TRPC5: variants seen among roughly 807,000 people sequenced by gnomAD.
TRPC5 encodes the protein transient receptor potential cation channel subfamily C member 5, also known as short transient receptor potential channel 5.
Under a neutral mutation model 56.5 loss-of-function variants are expected in TRPC5, and 9 were observed. That is an observed-to-expected ratio of 0.16 (90% CI 0.10 to 0.28). The LOEUF is 0.28. TRPC5 is among the 10% of genes least tolerant of loss of function. The pLI, the probability that TRPC5 is intolerant of heterozygous loss-of-function variation, is 1.00. For missense variants in TRPC5, 469 were observed against 748.9 expected, an observed-to-expected ratio of 0.63 and a Z score of 4.36; for synonymous variants, 282 against 278.5, an observed-to-expected ratio of 1.01 and a Z score of -0.13.
rs969086000 is a variant in TRPC5 at position 111,836,443 on chromosome X, G to A, written c.1701-1327C>T. On this transcript the variant is annotated intron_variant, in intron 6 of 10. Coordinates refer to ENST00000262839, the MANE Select transcript of TRPC5 (RefSeq NM_012471.3). ...GGTTCATTTTAGAGGTGGGTGAGAG[G>A]TACTTTAAGGAGTCCCTCTGTCTGA... 3.6e-5 allele frequency among the ~76,000 whole-genome samples: 4 copies of A among 111,655 alleles called. 1 individual carries two copies. In the Admixed American group the frequency reaches 3.8e-4, roughly 11 times the overall value.
chrX:111,850,213 G>A (rs751853391), intron 5 of TRPC5, among the ~76,000 whole-genome samples: 5 of 111,254 alleles, frequency 4.5e-5, no homozygotes, highest in Admixed American at 1.9e-4. Flanking sequence ...GCAAAGAATG[G>A]TTATACTCCA....
intron 1 of TRPC5, among the ~76,000 whole-genome samples, chrX:111,971,133 C>T (rs897459658): frequency 1.8e-5 from 2 of 111,129 alleles, no homozygotes; most frequent in Admixed American, 9.6e-5. Context: ...GGGCGATAGA[C>T]AAGGTGATTG....
intron 7 of TRPC5, among the ~76,000 whole-genome samples, chrX:111,805,997 G>T (rs1254775740): frequency 9.2e-6 from 1 of 108,832 alleles, no homozygotes; most frequent in Non-Finnish European, 1.9e-5. Context: ...CAGCTCTGTA[G>T]TTTTGGTAAA....
intron 1 of TRPC5, among the ~76,000 whole-genome samples, chrX:112,017,203 C>T (rs905688099): frequency 1.8e-5 from 2 of 110,481 alleles, no homozygotes; most frequent in Admixed American, 9.7e-5. Context: ...TTAGTAGAGA[C>T]GGGATTTCAC....
chrX:111,795,125 TC>T (rs1474145763), intron 7 of TRPC5, among the ~76,000 whole-genome samples: 1 of 111,048 alleles, frequency 9.0e-6, no homozygotes, highest in East Asian at 2.8e-4. Flanking sequence ...AATCTGTATA[TC>T]CTTAATGATT....
At position 111,777,468 on chromosome X, in the gene TRPC5, G is replaced by A. The variant is rs1336783663; in HGVS notation, c.2233-466C>T. 3.6e-5 allele frequency among the ~76,000 whole-genome samples: 4 copies of A among 110,009 alleles called. No individual in the cohort carries two copies. In the Admixed American group the frequency reaches 4.0e-4, roughly 11 times the overall value. On this transcript the variant is annotated intron_variant, in intron 10 of 10. Transcript: ENST00000262839. ...GGCCCTGTTCAAACCTCTATGAAAT[G>A]TCTTCTATCTCCAACTGGCTGCTTA...
intron 7 of TRPC5, among the ~76,000 whole-genome samples, chrX:111,812,334 C>T (rs1047320344): frequency 1.8e-5 from 2 of 110,952 alleles, no homozygotes; most frequent in Non-Finnish European, 3.8e-5. Context: ...TGCACCCACT[C>T]CACTGATATG....
At chrX:111,871,350 T>C (rs1382000407) in intron 3 of TRPC5, among the ~76,000 whole-genome samples, 6 of 110,579 alleles carry the variant, frequency 5.4e-5, no homozygotes, top group Non-Finnish European at 1.1e-4. Context: ...CAGGATAATG[T>C]GGGCTGCATG....
chrX:111,789,296 C>A (rs960922448), intron 7 of TRPC5, among the ~76,000 whole-genome samples: 1 of 111,554 alleles, frequency 9.0e-6, no homozygotes, highest in Non-Finnish European at 1.9e-5. Context: ...ACAAACCTGA[C>A]AAAAACAAGC....
rs779139729 is a variant in TRPC5, at chrX:111,952,371, C to T, written c.50G>A (p.Arg17His). Reference sequence around the variant, plus strand: ...AGCCCTCACAATTTGCAGGGGGATGCGGTCTCTGTACGGTGAGTAGTTGAC... The same window carrying T: ...AGCCCTCACAATTTGCAGGGGGATGTGGTCTCTGTACGGTGAGTAGTTGAC... ...KKVNYSPYRD[R>H]IPLQIVRAET... Residue 17 changes from arginine to histidine, a missense_variant, in exon 2 of 11, where the codon CGC becomes CAC. Arg to His is a conservative substitution (Grantham distance 29). Transcript: ENST00000262839. 5.8e-6 allele frequency: 7 copies of T among 1,209,541 alleles called. No homozygotes were observed. The Admixed American group carries it at 6.6e-5, about 11-fold the overall frequency.
At chrX:111,899,147 A>T (rs775238339) in intron 3 of TRPC5, among the ~76,000 whole-genome samples, 49 of 109,647 alleles carry the variant, frequency 4.5e-4, no homozygotes, top group African/African-American at 1.1e-3. Flanking sequence ...AATAAAAAAT[A>T]AAAAAAAAGC....
At position 111,952,148 on chromosome X, in the gene TRPC5, G is replaced by A. The variant is rs1258073224; in HGVS notation, c.273C>T (p.Asn91=). 5.0e-6 allele frequency: 6 copies of A among 1,210,844 alleles called. No homozygotes were observed. In the African/African-American group the frequency reaches 1.0e-4, roughly 21 times the overall value. Residue 91 remains asparagine (N), a synonymous_variant, in exon 2 of 11, where the codon AAC becomes AAT. Transcript: ENST00000262839. ...ENLEIMELLL[N]HSVYVGDALL... is the part of the protein sequence containing the mutation. ...ATGCATCACCCACATACACGCTGTGGTTCAGCAGTAGCTCCATGATCTCCA... is the reference window on the plus strand; with the variant it reads ...ATGCATCACCCACATACACGCTGTGATTCAGCAGTAGCTCCATGATCTCCA...
intron 7 of TRPC5, among the ~76,000 whole-genome samples, chrX:111,811,634 C>A (rs192412344): frequency 2.7e-5 from 3 of 111,393 alleles, no homozygotes; most frequent in African/African-American, 9.8e-5. Flanking sequence ...TTGGAATACT[C>A]CTGTTCTACT....
At chrX:112,006,536 A>G (rs750744759) in intron 1 of TRPC5, among the ~76,000 whole-genome samples, 1 of 111,502 alleles carries the variant, frequency 9.0e-6, no homozygotes, top group South Asian at 3.8e-4. Flanking sequence ...CATACAGCTA[A>G]CAAGTGTAGA....
chrX:112,043,091 A>G (rs966393165), intron 1 of TRPC5, among the ~76,000 whole-genome samples: 3 of 111,987 alleles, frequency 2.7e-5, no homozygotes, highest in Non-Finnish European at 3.8e-5. Context: ...CAAATGCATC[A>G]TTTAGAAATG....
intron 1 of TRPC5, among the ~76,000 whole-genome samples, chrX:112,044,669 A>G (rs757949494): frequency 3.6e-5 from 4 of 112,159 alleles, no homozygotes; most frequent in Non-Finnish European, 7.5e-5. Flanking sequence ...TTCTCATACC[A>G]TATCATCTCC....
intron 3 of TRPC5, among the ~76,000 whole-genome samples, chrX:111,904,526 C>T (rs776155356): frequency 2.3e-4 from 26 of 111,110 alleles, no homozygotes; most frequent in African/African-American, 5.6e-4. Context: ...AGCAAACTAA[C>T]GCAGGAACAG....
At chrX:111,977,670 A>G (rs960098922) in intron 1 of TRPC5, among the ~76,000 whole-genome samples, 1 of 111,995 alleles carries the variant, frequency 8.9e-6, no homozygotes, top group African/African-American at 3.2e-5. Context: ...TCAAGAAAAC[A>G]AAAAGGCAAC....
intron 1 of TRPC5, among the ~76,000 whole-genome samples, chrX:111,964,400 T>G (rs770880148): frequency 9.0e-4 from 101 of 112,231 alleles, no homozygotes; most frequent in African/African-American, 2.9e-3. Context: ...AAAACACTCT[T>G]CAGGATATTA....
Sources: allele counts gnomAD v4.1 joint callset (sites outside exome capture counted in the v4.1 genomes callset), GRCh38; gene constraint gnomAD v4.1.1; transcripts MANE v1.5; gene names NCBI Gene and HGNC (gene_info 2026-07-23, HGNC 2026-07-21).